IPO5: variants seen among roughly 807,000 people sequenced by gnomAD.
IPO5 encodes importin-5.
A neutral mutation model predicts 143.3 loss-of-function variants in IPO5; 18 were observed. The observed-to-expected ratio is 0.13, with a 90% CI of 0.09 to 0.19. The LOEUF (loss-of-function observed/expected upper bound fraction) is 0.19, where lower values mean the gene tolerates loss of function less well. IPO5 is among the 10% of genes least tolerant of loss of function. The pLI, the probability that IPO5 is intolerant of heterozygous loss-of-function variation, is 1.00. For synonymous variants in IPO5, 477 were observed against 465.7 expected (o/e 1.02, Z -0.31); for missense variants, 1,013 against 1,336.9 (o/e 0.76, Z 3.78).
intron 4 of IPO5, among the ~76,000 whole-genome samples, chr13:97,977,302 C>T (rs1257082861): frequency 4.6e-5 from 7 of 152,210 alleles, no homozygotes; most frequent in African/African-American, 7.2e-5. Flanking sequence ...TGTGCCCTGC[C>T]TTGTCCCTAC....
Position 98,008,029 on chromosome 13 carries a change from A to G in IPO5, c.1717-30A>G, listed in dbSNP as rs1437109321. ...ACACAAGAAACAAAATTCGGTATCA[A>G]CAAGTGTGTCTCTACATATTTTCCT... On this transcript the variant is annotated intron_variant, in intron 17 of 28. Coordinates refer to ENST00000651721, the MANE Select transcript of IPO5 (RefSeq NM_002271.6). 4.1e-6 allele frequency: 6 copies of G among 1,451,008 alleles called. No individual in the cohort carries two copies. The East Asian group carries it at 1.1e-4, about 28-fold the overall frequency. The allele number at this position is 1,451,008 out of a possible 1,614,324, so 89.9% of individuals were successfully genotyped here. A position where few individuals can be genotyped will look rare whatever the true frequency, so the allele number is the denominator to read the frequency against.
At chr13:98,013,871 G>A (rs1318887937) in intron 21 of IPO5, among the ~76,000 whole-genome samples, 171 bp from the exon 22 acceptor site, 6 of 152,182 alleles carry the variant, frequency 3.9e-5, no homozygotes, top group Non-Finnish European at 8.8e-5. Flanking sequence ...ACAGGTGACA[G>A]AGGAGACAGG....
chr13:97,980,782 G>A (rs952114867), intron 4 of IPO5, among the ~76,000 whole-genome samples: 1 of 148,420 alleles, frequency 6.7e-6, no homozygotes, highest in East Asian at 2.0e-4. Flanking sequence ...AGCCGAGATC[G>A]CACCACTGCG....
intron 1 of IPO5, 71 bp from the exon 2 acceptor site, chr13:97,954,048 T>C (rs1414424850): frequency 2.8e-6 from 1 of 355,178 alleles, no homozygotes; most frequent in Non-Finnish European, 5.7e-6. Context: ...CCCAAAAGAA[T>C]GTGGGTTATT....
intron 12 of IPO5, among the ~76,000 whole-genome samples, chr13:98,000,291 A>G (rs929470923): frequency 2.0e-5 from 3 of 152,122 alleles, no homozygotes; most frequent in Non-Finnish European, 4.4e-5. Context: ...TCTCAAAAAA[A>G]AAAAAGAAAA....
chr13:98,005,214 C>A (rs1201036912), intron 16 of IPO5, among the ~76,000 whole-genome samples: 2 of 150,602 alleles, frequency 1.3e-5, no homozygotes, highest in African/African-American at 2.4e-5. Context: ...TTTTTTTTCC[C>A]CAGACAGAGT....
At chr13:97,982,664 G>T (rs1372041061) in intron 5 of IPO5, 81 bp downstream of exon 5, 1 of 923,216 alleles carries the variant, frequency 1.1e-6, no homozygotes, top group East Asian at 2.5e-5. Context: ...TTAGAGAAAT[G>T]AGAATTGTGA....
chr13:97,988,472 CTT>C (rs1887558254), intron 6 of IPO5, among the ~76,000 whole-genome samples: 1 of 152,192 alleles, frequency 6.6e-6, no homozygotes, highest in Admixed American at 6.5e-5. Context: ...GCTGCCTTCT[CTT>C]CAAATTCCAC....
intron 12 of IPO5, among the ~76,000 whole-genome samples, chr13:97,998,446 C>G (rs1450773130): frequency 2.6e-5 from 4 of 152,176 alleles, no homozygotes; most frequent in Non-Finnish European, 4.4e-5. Context: ...ACAAAATTCC[C>G]TGCAATACAC....
intron 11 of IPO5, 111 bp from the exon 12 acceptor site, chr13:97,997,420 T>G: frequency 2.0e-6 from 1 of 496,534 alleles, no homozygotes; most frequent in South Asian, 5.2e-5. Context: ...AATAATTGTT[T>G]TGTCTTGTTC....
chr13:97,976,674 C>A lies in IPO5; in HGVS notation c.-4-19C>A, dbSNP rs778426599. On this transcript the variant is annotated intron_variant, in intron 3 of 28. Transcript: ENST00000651721. ...CTCACGGCTCCTGTCTCCCCTCCCT[C>A]CTTCTCTCTCACGCCTAGCGCAATG... The A allele has an allele frequency of 2.3e-6, 3 of 1,286,486 alleles. No homozygotes were observed. The highest frequency in any genetic ancestry group is 4.7e-5 in the East Asian group (1 of 21,412). The allele number at this position is 1,286,486 out of a possible 1,614,324, so 79.7% of individuals were successfully genotyped here.
At chr13:97,987,690 A>G (rs1170443810) in intron 6 of IPO5, among the ~76,000 whole-genome samples, 1 of 152,144 alleles carries the variant, frequency 6.6e-6, no homozygotes, top group South Asian at 2.1e-4. Flanking sequence ...GATGGAGCCA[A>G]CTGGGTTTCA....
chr13:98,013,894 T>G, intron 21 of IPO5, 148 bp from the exon 22 acceptor site: 3 of 620,728 alleles, frequency 4.8e-6, no homozygotes, highest in Admixed American at 3.3e-5. Flanking sequence ...GTATGTCTTT[T>G]CTATTTTTAT....
intron 26 of IPO5, 59 bp from the exon 27 acceptor site, chr13:98,019,522 T>C (rs1566576110): frequency 2.6e-6 from 3 of 1,132,962 alleles, no homozygotes; most frequent in Admixed American, 1.9e-5. Flanking sequence ...AAAATACATA[T>C]ATTCATTTGC....
chr13:98,016,850 T>C lies in IPO5; in HGVS notation c.2615T>C (p.Ile872Thr), dbSNP rs781245747. 2.6e-6 allele frequency: 4 copies of C among 1,543,644 alleles called. No individual in the cohort carries two copies. The highest frequency in any genetic ancestry group is 2.2e-5 in the Admixed American group (1 of 44,596). ...CTGCTTCCATTAATTGTCAACCTCATTGTAAGTGTTACCTCTCTTAATAGT... is the reference window on the plus strand; with the variant it reads ...CTGCTTCCATTAATTGTCAACCTCACTGTAAGTGTTACCTCTCTTAATAGT... ...EQLLPLIVNL[I>T]CPHRPWPDRQ... Residue 872 changes from isoleucine (I) to threonine (T), a missense_variant and splice_region_variant, in exon 25 of 29, where the codon ATT becomes ACT. Ile to Thr is a moderately conservative substitution (Grantham distance 89). Transcript: ENST00000651721.
Position 97,976,677 on chromosome 13 carries a change from T to C in IPO5, c.-4-16T>C, listed in dbSNP as rs746211555. The C allele has an allele frequency of 7.0e-6, 9 of 1,292,690 alleles. No individual in the cohort carries two copies. Among genetic ancestry groups the C allele is most frequent in the African/African-American group, 3.2e-5 (2 of 63,012 alleles). The allele number at this position is 1,292,690 out of a possible 1,614,324, so 80.1% of individuals were successfully genotyped here. ...ACGGCTCCTGTCTCCCCTCCCTCCTTCTCTCTCACGCCTAGCGCAATGGCG... is the reference window on the plus strand; with the variant it reads ...ACGGCTCCTGTCTCCCCTCCCTCCTCCTCTCTCACGCCTAGCGCAATGGCG... On this transcript the variant is annotated splice_polypyrimidine_tract_variant and intron_variant, in intron 3 of 28. Transcript: ENST00000651721.
rs760116915 is a variant in IPO5 at position 98,016,769 on chromosome 13, T to C, written c.2534T>C (p.Ile845Thr). 7 of 1,540,588 alleles carry C rather than the reference T, an allele frequency of 4.5e-6. No individual in the cohort carries two copies. In the South Asian group the frequency reaches 7.2e-5, roughly 16 times the overall value. Residue 845 changes from isoleucine (I) to threonine (T), a missense_variant, in exon 25 of 29, where the codon ATT (isoleucine) becomes ACT (threonine). By Grantham distance (89) the Ile-to-Thr change is moderately conservative. Around this residue, in one of 2 missense-constraint regions of IPO5, gnomAD observed 685 missense variants for 994.9 expected, o/e 0.69. Coordinates refer to ENST00000651721, the MANE Select transcript of IPO5 (RefSeq NM_002271.6). ...DVYILTKVSDILHSIFSSYKE... is the reference protein window; with the variant it reads ...DVYILTKVSDTLHSIFSSYKE... ...TATATTCTGACCAAAGTGTCAGATA[T>C]TTTACACTCAATATTCAGTAGCTAC...
At chr13:97,961,191 T>G (rs957561788) in intron 2 of IPO5, among the ~76,000 whole-genome samples, 1 of 152,366 alleles carries the variant, frequency 6.6e-6, no homozygotes, top group Admixed American at 6.5e-5. Context: ...TATTTCCTTG[T>G]ATAGTTAGAA....
chr13:97,996,645 C>T (rs1380864547), intron 11 of IPO5, among the ~76,000 whole-genome samples: 1 of 152,078 alleles, frequency 6.6e-6, no homozygotes, highest in Non-Finnish European at 1.5e-5. Flanking sequence ...CTCTGTCGTC[C>T]AGGCTGGAGT....
Sources: allele counts gnomAD v4.1 joint callset (sites outside exome capture counted in the v4.1 genomes callset), GRCh38; gene constraint gnomAD v4.1.1; regional missense constraint gnomAD v4.1.1; transcripts MANE v1.5; gene names NCBI Gene and HGNC (gene_info 2026-07-23, HGNC 2026-07-21).